NSUN6: variants seen among roughly 807,000 people sequenced by gnomAD.
NSUN6 encodes the protein tRNA (cytosine(72)-C(5))-methyltransferase NSUN6.
NSUN6 carries 64 observed loss-of-function variants against 58.0 expected under a neutral mutation model. That is an observed-to-expected ratio of 1.10 (90% CI 0.90 to 1.36). The LOEUF (loss-of-function observed/expected upper bound fraction) is 1.36. Among genes scored for constraint, NSUN6 ranks in the 40% most tolerant of loss-of-function variants. The pLI is 0.00. For synonymous variants in NSUN6, 231 were observed against 193.9 expected (o/e 1.19, Z -1.59); for missense variants, 701 against 550.1 (o/e 1.27, Z -2.74).
intron 8 of NSUN6, among the ~76,000 whole-genome samples, chr10:18,571,580 G>GTCCAT (rs1451389767): frequency 7.4e-6 from 1 of 135,600 alleles, no homozygotes; most frequent in East Asian, 2.3e-4. Context: ...CTATTCCAAT[G>GTCCAT]TCCATTCCAT....
chr10:18,583,795 A>G (rs1243455921), intron 8 of NSUN6, among the ~76,000 whole-genome samples: 1 of 152,216 alleles, frequency 6.6e-6, no homozygotes, highest in Non-Finnish European at 1.5e-5. Context: ...ATACTTGAAG[A>G]CAGATGAATA....
chr10:18,596,225 C>T lies in NSUN6; in HGVS notation c.760G>A (p.Ala254Thr), dbSNP rs750874843. The T allele has an allele frequency of 1.4e-5, 23 of 1,611,464 alleles. No homozygotes were observed. Among genetic ancestry groups the T allele is most frequent in the Admixed American group, 3.3e-5 (2 of 60,014 alleles). Reference sequence around the variant, plus strand: ...AGTCTCACCTGATCATGCATTAGTGCTGCAATGTGTGTTGTTTTCCCTCCA... The same window carrying T: ...AGTCTCACCTGATCATGCATTAGTGTTGCAATGTGTGTTGTTTTCCCTCCA... ...APGGKTTHIA[A>T]LMHDQGEVIA... The change falls in exon 7 of 11, where the codon GCA becomes ACA. Residue 254 changes from alanine to threonine, a missense_variant. Transcript: ENST00000377304.
chr10:18,567,967 T>G (rs1166707269), intron 8 of NSUN6, among the ~76,000 whole-genome samples: 1 of 151,190 alleles, frequency 6.6e-6, no homozygotes, highest in Admixed American at 6.6e-5. Context: ...CCTTTCTCCA[T>G]TCCATTCCCC....
At chr10:18,622,820 G>A (rs2058659638) in intron 3 of NSUN6, among the ~76,000 whole-genome samples, 1 of 152,194 alleles carries the variant, frequency 6.6e-6, no homozygotes, top group Admixed American at 6.5e-5. Context: ...TGAAAGAAAG[G>A]AAGAAAGTTA....
chr10:18,605,001 T>G (rs1054462144), intron 6 of NSUN6, among the ~76,000 whole-genome samples: 11 of 151,102 alleles, frequency 7.3e-5, no homozygotes, highest in Admixed American at 5.9e-4. Flanking sequence ...TTCTCCTGCC[T>G]CAGCCTCCTG....
At chr10:18,586,274 T>C (rs1307157792) in intron 7 of NSUN6, among the ~76,000 whole-genome samples, 181 bp from the exon 8 acceptor site, 1 of 152,192 alleles carries the variant, frequency 6.6e-6, no homozygotes, top group Non-Finnish European at 1.5e-5. Flanking sequence ...TTCCTTCTGG[T>C]GGGTTCTTGG....
chr10:18,614,593 T>A lies in NSUN6; in HGVS notation c.442A>T (p.Ile148Phe), dbSNP rs148810821. Residue 148 changes from isoleucine (I) to phenylalanine (F), a missense_variant, in exon 5 of 11, where the codon ATT becomes TTT. Ile to Phe is a conservative substitution (Grantham distance 21). Coordinates refer to ENST00000377304, the MANE Select transcript of NSUN6 (RefSeq NM_182543.5). ...CCTTTAATATCAGAGTATACAGAAA[T>A]AACATCTCCAGCTTTCATAACTAGA... is the stretch of plus-strand genomic sequence containing the variant. ...ASQFMKAGDV[I>F]SVYSDIKGKC... The A allele has an allele frequency of 8.1e-5, 117 of 1,445,798 alleles. No homozygotes were observed. The highest frequency in any genetic ancestry group is 3.6e-4 in the Middle Eastern group (2 of 5,518). 89.6% of individuals were successfully genotyped at this position (1,445,798 alleles called of 1,614,324 possible). A position where few individuals can be genotyped will look rare whatever the true frequency, so the allele number is the denominator to read the frequency against.
At chr10:18,546,932 G>A (rs544412992) in intron 10 of NSUN6, among the ~76,000 whole-genome samples, 46 of 151,380 alleles carry the variant, frequency 3.0e-4, no homozygotes, top group Non-Finnish European at 5.5e-4. Flanking sequence ...GGACGGGGAG[G>A]GGAAGAAGAA....
At chr10:18,597,088 A>G (rs1462255880) in intron 6 of NSUN6, among the ~76,000 whole-genome samples, 1 of 152,112 alleles carries the variant, frequency 6.6e-6, no homozygotes, top group Admixed American at 6.6e-5. Flanking sequence ...AAAAACCTCA[A>G]ACCCTGGCTG....
intron 8 of NSUN6, among the ~76,000 whole-genome samples, chr10:18,556,971 G>A: frequency 6.6e-6 from 1 of 151,238 alleles, no homozygotes; most frequent in East Asian, 1.9e-4. Flanking sequence ...GAATGGAAGG[G>A]AATGGAATGG....
intron 8 of NSUN6, among the ~76,000 whole-genome samples, chr10:18,558,960 G>A (rs1027346857): frequency 4.8e-5 from 7 of 146,610 alleles, no homozygotes; most frequent in African/African-American, 1.5e-4. Flanking sequence ...GAGAATGGAA[G>A]GGAGAATGGA....
Position 18,553,408 on chromosome 10 carries a change from G to A in NSUN6, c.923-1437C>T, listed in dbSNP as rs150109327. On this transcript the variant is annotated intron_variant, in intron 8 of 10. Transcript: ENST00000377304. The stretch of plus-strand genomic sequence containing the variant: ...AGGAGAATGGAATGGAATGCAGAAC[G>A]GAGAATGGAATGGAATGGAGAATGG... 7.0e-3 allele frequency among the ~76,000 whole-genome samples: 1,062 copies of A among 151,246 alleles called. 7 individuals are homozygous for A. The highest frequency in any genetic ancestry group is 9.0e-3 in the Non-Finnish European group (610 of 67,692).
chr10:18,573,382 C>G (rs1209043131), intron 8 of NSUN6, among the ~76,000 whole-genome samples: 2 of 151,652 alleles, frequency 1.3e-5, no homozygotes, highest in African/African-American at 4.8e-5. Context: ...TTTCCATTCT[C>G]CATTCCATTC....
At chr10:18,600,945 TATATATATATATATAC>T (rs2057792411) in intron 6 of NSUN6, among the ~76,000 whole-genome samples, 1 of 71,168 alleles carries the variant, frequency 1.4e-5, no homozygotes, top group Non-Finnish European at 2.7e-5. Flanking sequence ...AAAAAAAATA[TATATATATATATATAC>T]ATATATATAT....
intron 2 of NSUN6, among the ~76,000 whole-genome samples, chr10:18,646,228 G>A (rs2059542604): frequency 6.6e-6 from 1 of 152,110 alleles, no homozygotes; most frequent in South Asian, 2.1e-4. Flanking sequence ...AATATGTGGT[G>A]CACAGATATT....
intron 3 of NSUN6, among the ~76,000 whole-genome samples, chr10:18,622,783 T>C (rs1049424428): frequency 6.6e-6 from 1 of 152,236 alleles, no homozygotes; most frequent in African/African-American, 2.4e-5. Context: ...TCAAGAGATT[T>C]ATGCTGTTGA....
At chr10:18,570,621 C>CTCCAT (rs933701018) in intron 8 of NSUN6, among the ~76,000 whole-genome samples, 13 of 135,186 alleles carry the variant, frequency 9.6e-5, no homozygotes, top group African/African-American at 2.8e-4. Flanking sequence ...CCATTCCATT[C>CTCCAT]TCCATTCCAT....
intron 6 of NSUN6, among the ~76,000 whole-genome samples, chr10:18,600,994 T>TATA (rs2057817614): frequency 6.5e-5 from 5 of 77,170 alleles, no homozygotes; most frequent in Admixed American, 1.4e-4. Context: ...ATATATATAT[T>TATA]ATATACTAGC....
chr10:18,618,807 T>A (rs1271716415), intron 3 of NSUN6, among the ~76,000 whole-genome samples: 1 of 152,006 alleles, frequency 6.6e-6, no homozygotes, highest in Non-Finnish European at 1.5e-5. Flanking sequence ...ATTCAAAAAC[T>A]TTCTCATCAG....
Sources: gnomAD v4.1 joint callset for allele counts (sites outside exome capture counted in the v4.1 genomes callset) on GRCh38, gnomAD v4.1.1 for gene constraint, MANE v1.5 for transcripts, NCBI Gene and HGNC (gene_info 2026-07-23, HGNC 2026-07-21) for gene names.